Variants in SMAD3 observed in about 807,000 individuals in gnomAD.
The protein encoded by SMAD3 is MAD homolog 3.
Under a neutral mutation model 51.8 loss-of-function variants are expected in SMAD3, and 12 were observed. That is an observed-to-expected ratio of 0.23 (90% CI 0.15 to 0.38). The LOEUF is 0.38. SMAD3 is among the 10% of genes least tolerant of loss of function. The pLI is 1.00. For missense variants in SMAD3, 294 were observed against 565.6 expected, an observed-to-expected ratio of 0.52 and a Z score of 4.87; for synonymous variants, 238 against 227.7, an observed-to-expected ratio of 1.05 and a Z score of -0.41.
intron 1 of SMAD3, among the ~76,000 whole-genome samples, chr15:67,091,097 C>T (rs569148403): frequency 1.3e-5 from 2 of 152,326 alleles, no homozygotes; most frequent in East Asian, 1.9e-4. Flanking sequence ...GAAAGATCCT[C>T]GAAATGGTGG....
At chr15:67,110,590 A>G (rs1240021429) in intron 1 of SMAD3, among the ~76,000 whole-genome samples, 2 of 152,148 alleles carry the variant, frequency 1.3e-5, no homozygotes, top group Non-Finnish European at 2.9e-5. Context: ...TGCAGATGCA[A>G]ATGCTCATTG....
rs557746378 is a variant in SMAD3, at chr15:67,192,641, C to G, written c.*2105C>G. 2 of 233,094 alleles carry G rather than the reference C, an allele frequency of 8.6e-6. No homozygotes were observed. Among genetic ancestry groups the G allele is most frequent in the African/African-American group, 4.4e-5 (2 of 45,336 alleles). 14.4% of individuals were successfully genotyped at this position (233,094 alleles called of 1,614,324 possible). On this transcript the variant is annotated 3_prime_UTR_variant, in exon 9 of 9. Transcript: ENST00000327367. Reference sequence around the variant, plus strand: ...GGGCCTGCATGATCCACCTGCTGCACGATCCTATGAGGGCTTCCTGTGGCA... The same window carrying G: ...GGGCCTGCATGATCCACCTGCTGCAGGATCCTATGAGGGCTTCCTGTGGCA...
At chr15:67,105,722 G>C (rs577077404) in intron 1 of SMAD3, among the ~76,000 whole-genome samples, 1 of 152,314 alleles carries the variant, frequency 6.6e-6, no homozygotes, top group African/African-American at 2.4e-5. Context: ...CTCTTACCCT[G>C]ATGCCCTGGC....
In SMAD3 at chr15:67,072,302, C is replaced by T. The variant is rs139623638; in HGVS notation, c.206+5942C>T. The stretch of plus-strand genomic sequence containing the variant: ...GATGCACAGTACAGCCATTATTCTG[C>T]GTGAGCTCCTTAATGAAATAAATAA... On this transcript the variant is annotated intron_variant, in intron 1 of 8. Coordinates refer to ENST00000327367, the MANE Select transcript of SMAD3 (RefSeq NM_005902.4). Among the ~76,000 whole-genome samples, 929 of 152,278 alleles carry T rather than the reference C, an allele frequency of 6.1e-3. 3 individuals are homozygous for T. The highest frequency in any genetic ancestry group is 8.3e-3 in the Non-Finnish European group (562 of 68,018).
chr15:67,117,235 T>A (rs897177855), intron 1 of SMAD3, among the ~76,000 whole-genome samples: 1 of 152,188 alleles, frequency 6.6e-6, no homozygotes, highest in Non-Finnish European at 1.5e-5. Context: ...GTAATTAGGA[T>A]ACACAATTGG....
intron 1 of SMAD3, among the ~76,000 whole-genome samples, chr15:67,123,509 GA>G (rs1389309441): frequency 6.6e-6 from 1 of 152,082 alleles, no homozygotes; most frequent in Non-Finnish European, 1.5e-5. Context: ...CAAAAAAAAG[GA>G]AAAAAGAATT....
chr15:67,184,370 G>C (rs765133272), intron 6 of SMAD3, among the ~76,000 whole-genome samples: 1 of 152,166 alleles, frequency 6.6e-6, no homozygotes, highest in Non-Finnish European at 1.5e-5. Flanking sequence ...CCCTCCTAAA[G>C]CTCTGGGATT....
intron 1 of SMAD3, among the ~76,000 whole-genome samples, chr15:67,090,585 A>G (rs1471735861): frequency 6.6e-6 from 1 of 152,076 alleles, no homozygotes; most frequent in African/African-American, 2.4e-5. Flanking sequence ...ACACTTCTCA[A>G]TGCTTGCTTA....
intron 1 of SMAD3, among the ~76,000 whole-genome samples, chr15:67,156,448 G>C (rs1234470429): frequency 6.6e-6 from 1 of 152,206 alleles, no homozygotes; most frequent in Non-Finnish European, 1.5e-5. Context: ...ATAGGGGTAT[G>C]CCCCATTTAG....
chr15:67,163,720 C>T (rs190809236), intron 1 of SMAD3, among the ~76,000 whole-genome samples: 97 of 152,182 alleles, frequency 6.4e-4, no homozygotes, highest in African/African-American at 2.1e-3. Context: ...GTAAGGGCAC[C>T]GGGTCATAGC....
At chr15:67,074,704 T>A (rs1260801190) in intron 1 of SMAD3, among the ~76,000 whole-genome samples, 3 of 152,222 alleles carry the variant, frequency 2.0e-5, no homozygotes, top group African/African-American at 7.2e-5. Flanking sequence ...TTTTTTTGTT[T>A]TTTGAGACGG....
chr15:67,117,703 C>T (rs1961166952), intron 1 of SMAD3, among the ~76,000 whole-genome samples: 1 of 152,162 alleles, frequency 6.6e-6, no homozygotes. Flanking sequence ...CTTAAAAATG[C>T]CTGGAAACAT....
At chr15:67,136,732 G>C (rs556713685) in intron 1 of SMAD3, among the ~76,000 whole-genome samples, 2 of 152,154 alleles carry the variant, frequency 1.3e-5, no homozygotes, top group African/African-American at 4.8e-5. Context: ...GGAAAATTTA[G>C]AACACATGGA....
At chr15:67,095,680 T>C (rs1805218) in intron 1 of SMAD3, among the ~76,000 whole-genome samples, 152,173 of 152,188 alleles carry the variant, frequency 1, 76,079 homozygotes, top group Non-Finnish European at 1. Flanking sequence ...TACAGGCACC[T>C]GCCACCACAC....
At chr15:67,124,840 A>T (rs1961346221) in intron 1 of SMAD3, among the ~76,000 whole-genome samples, 1 of 152,242 alleles carries the variant, frequency 6.6e-6, no homozygotes, top group Non-Finnish European at 1.5e-5. Context: ...TGGCCAGAAG[A>T]TGGACCTGAG....
intron 5 of SMAD3, among the ~76,000 whole-genome samples, chr15:67,178,181 C>A (rs1251009110): frequency 1.3e-5 from 2 of 152,196 alleles, no homozygotes; most frequent in Non-Finnish European, 2.9e-5. Context: ...CGGCCTATGA[C>A]CCCAGGCCTG....
At chr15:67,188,617 C>T (rs1028446578) in intron 8 of SMAD3, among the ~76,000 whole-genome samples, 1 of 152,264 alleles carries the variant, frequency 6.6e-6, no homozygotes, top group Non-Finnish European at 1.5e-5. Context: ...ACACTCCCCC[C>T]TGCCAGCCGC....
chr15:67,067,156 C>T (rs2140190299), intron 1 of SMAD3, among the ~76,000 whole-genome samples: 2 of 147,504 alleles, frequency 1.4e-5, no homozygotes, highest in East Asian at 2.1e-4. Flanking sequence ...TGCAGCCGGG[C>T]AGATAACAAA....
chr15:67,150,488 G>C (rs374950647), intron 1 of SMAD3, among the ~76,000 whole-genome samples: 1 of 99,684 alleles, frequency 1.0e-5, no homozygotes, highest in African/African-American at 2.9e-5. Context: ...AAAAAAGAAA[G>C]AAAGAAAGAA....
Sources: gnomAD v4.1 joint callset for allele counts (sites outside exome capture counted in the v4.1 genomes callset) on GRCh38, gnomAD v4.1.1 for gene constraint, MANE v1.5 for transcripts, NCBI Gene and HGNC (gene_info 2026-07-23, HGNC 2026-07-21) for gene names.